The following MGST1 variants were observed in gnomAD, a reference collection of about 807,000 sequenced individuals.
The protein encoded by MGST1 is glutathione S-transferase 12.
In MGST1, 5 loss-of-function variants were observed where a neutral mutation model predicts 8.9. The observed-to-expected ratio is 0.56, with a 90% confidence interval of 0.29 to 1.19. The LOEUF is 1.19. MGST1 is among the 50% of genes most tolerant of loss of function. The probability of loss-of-function intolerance (pLI) is 0.08; values close to 1 mark genes in which losing one functional copy is unlikely to be tolerated. For missense variants in MGST1, 182 were observed against 187.4 expected (o/e 0.97, Z 0.17); for synonymous variants, 54 against 67.8 (o/e 0.80, Z 1.00).
chr12:16,456,364 GA>G (rs1228150673), intron 4 of MGST1, among the ~76,000 whole-genome samples: 1 of 151,748 alleles, frequency 6.6e-6, no homozygotes, highest in African/African-American at 2.4e-5. Context: ...TTAGTTGTCA[GA>G]AGCTGAATAA....
Position 16,375,771 on chromosome 12 carries a change from A to G in MGST1, c.222-351A>G, listed in dbSNP as rs1378206728. On this transcript the variant is annotated intron_variant, in intron 3 of 3. Transcript: ENST00000535309. Reference sequence around the variant, plus strand: ...GTTTTATCTAAAACAAAACAAAGATAATTATTTTTATCTACGTCTACTGAA... The same window carrying G: ...GTTTTATCTAAAACAAAACAAAGATGATTATTTTTATCTACGTCTACTGAA... Among the ~76,000 whole-genome samples, 3 of 151,968 alleles carry G rather than the reference A, an allele frequency of 2.0e-5. No homozygotes were observed. The East Asian group carries it at 5.9e-4, about 30-fold the overall frequency.
Position 16,401,389 on chromosome 12 carries a change from G to A in MGST1, n.778+17785G>A. 2 of 1,103,428 alleles carry A rather than the reference G, an allele frequency of 1.8e-6. No individual in the cohort carries two copies. Among genetic ancestry groups the A allele is most frequent in the Non-Finnish European group, 2.8e-6 (2 of 719,490 alleles). 68.4% of individuals were successfully genotyped at this position (1,103,428 alleles called of 1,614,324 possible). ...TCCCACCCCAAATCCTAGGTTTCTGGTAATTTTGTTCAGGAGTTCTGGCTT... is the reference window on the plus strand; with the variant it reads ...TCCCACCCCAAATCCTAGGTTTCTGATAATTTTGTTCAGGAGTTCTGGCTT... On this transcript the variant is annotated intron_variant and non_coding_transcript_variant, in intron 1 of 1. Transcript: ENST00000359720. The surrounding 1 kb of genome is among the most constrained non-coding windows in gnomAD (Gnocchi z 4.3).
At chr12:16,578,158 T>C (rs1486757381) in intron 4 of MGST1, among the ~76,000 whole-genome samples, 1 of 152,216 alleles carries the variant, frequency 6.6e-6, no homozygotes, top group East Asian at 1.9e-4. Context: ...TTTAAACTCA[T>C]AGTTTCATGA....
intron 1 of MGST1, among the ~76,000 whole-genome samples, chr12:16,394,551 T>G (rs1258424651): frequency 1.5e-5 from 1 of 65,994 alleles, no homozygotes; most frequent in African/African-American, 5.5e-5. Context: ...TCTTTCTTTC[T>G]TTCTTTCTTT....
intron 4 of MGST1, among the ~76,000 whole-genome samples, chr12:16,452,786 C>T (rs117219109): frequency 8.6e-5 from 13 of 151,952 alleles, no homozygotes; most frequent in African/African-American, 2.2e-4. Context: ...GAAGCATCCA[C>T]GACTACGTTT....
chr12:16,359,908 G>T (rs1175691967), intron 3 of MGST1, among the ~76,000 whole-genome samples: 1 of 152,140 alleles, frequency 6.6e-6, no homozygotes, highest in Non-Finnish European at 1.5e-5. Flanking sequence ...TATTCTTTCC[G>T]ACCTTCCACC....
At chr12:16,364,992 G>T (rs7135371), downstream of MGST1, among the ~76,000 whole-genome samples, 90,568 of 151,956 alleles carry the variant, frequency 0.6, 27,796 homozygotes, top group East Asian at 0.96. This position sits in a 1 kb window ranked among gnomAD's most constrained non-coding sequence, Gnocchi z 5.7. Flanking sequence ...AGATTAAACA[G>T]TTTTGGTGGT....
chr12:16,537,094 C>T lies in MGST1; in HGVS notation n.483-52434C>T, dbSNP rs1438935543. On this transcript the variant is annotated intron_variant and non_coding_transcript_variant, in intron 4 of 4. Coordinates refer to the MGST1 transcript ENST00000538857. This position sits in a 1 kb window ranked among gnomAD's most constrained non-coding sequence, Gnocchi z 4.6. ...TGTAAAGTCAAAAGCAAGTTAGTTA[C>T]TTCCTAGATACAACGGGGATACAGG... Among the ~76,000 whole-genome samples the T allele has an allele frequency of 6.6e-6, 1 of 152,208 alleles. No homozygotes were observed. Among genetic ancestry groups the T allele is most frequent in the African/African-American group, 2.4e-5 (1 of 41,450 alleles).
rs989236133 is a variant in MGST1 at position 16,363,699 on chromosome 12, A to G, written c.222-96A>G. ...ATCTTACTTTGAAATTTAAGGATCC[A>G]TTAGTGCTCAGATTTAGTTTTTAGA... On this transcript the variant is annotated intron_variant, in intron 3 of 3. Coordinates refer to ENST00000396210, the MANE Select transcript of MGST1 (RefSeq NM_020300.5). The surrounding 1 kb of genome is among the most constrained non-coding windows in gnomAD (Gnocchi z 4.6). 45 of 1,049,770 alleles carry G rather than the reference A, an allele frequency of 4.3e-5. No individual in the cohort carries two copies. The highest frequency in any genetic ancestry group is 2.2e-4 in the Middle Eastern group (1 of 4,472). The allele number at this position is 1,049,770 out of a possible 1,614,324, so 65.0% of individuals were successfully genotyped here.
Position 16,413,292 on chromosome 12 carries a change from A to G in MGST1, n.779-24096A>G, listed in dbSNP as rs1211695791. On this transcript the variant is annotated intron_variant and non_coding_transcript_variant, in intron 1 of 1. Transcript: ENST00000359720. This position sits in a 1 kb window ranked among gnomAD's most constrained non-coding sequence, Gnocchi z 4.0. Reference sequence around the variant, plus strand: ...CTTGTGTTGAGAAGCCATGCTAGCCACTGCTCAGGTAGCTGTCAAGGGAGA... The same window carrying G: ...CTTGTGTTGAGAAGCCATGCTAGCCGCTGCTCAGGTAGCTGTCAAGGGAGA... 6.6e-6 allele frequency among the ~76,000 whole-genome samples: 1 copy of G among 152,162 alleles called. No homozygotes were observed. The highest frequency in any genetic ancestry group is 1.5e-5 in the Non-Finnish European group (1 of 68,028).
intron 1 of MGST1, among the ~76,000 whole-genome samples, chr12:16,430,194 C>G (rs1940926067): frequency 6.6e-6 from 1 of 152,136 alleles, no homozygotes; most frequent in South Asian, 2.1e-4. Context: ...TCAGGTTCTA[C>G]AGCTAATTCT....
intron 4 of MGST1, among the ~76,000 whole-genome samples, chr12:16,449,051 T>A (rs1262557479): frequency 6.6e-6 from 1 of 151,996 alleles, no homozygotes; most frequent in East Asian, 1.9e-4. Flanking sequence ...CAGTCTTACG[T>A]TGAACTCTAT....
chr12:16,566,942 C>CAT lies in MGST1; in HGVS notation n.483-22575_483-22574dup, dbSNP rs753206020. On this transcript the variant is annotated intron_variant and non_coding_transcript_variant, in intron 4 of 4. Coordinates refer to the MGST1 transcript ENST00000538857. ...CTACCAAAAGCCCATGCTACATAGT[C>CAT]ATATATATATATGTTAAAAACTACA... Among the ~76,000 whole-genome samples the CAT allele has an allele frequency of 1.3e-3, 193 of 152,016 alleles. 1 individual carries two copies. Among genetic ancestry groups the CAT allele is most frequent in the Middle Eastern group, 3.4e-3 (1 of 292 alleles).
At chr12:16,527,774 T>C (rs765117192) in intron 4 of MGST1, among the ~76,000 whole-genome samples, 1 of 152,004 alleles carries the variant, frequency 6.6e-6, no homozygotes, top group Non-Finnish European at 1.5e-5. Context: ...TTCATCTTAC[T>C]TATACACCTT....
chr12:16,380,619 G>A (rs1259509925), downstream of MGST1, among the ~76,000 whole-genome samples: 6 of 152,178 alleles, frequency 3.9e-5, no homozygotes, highest in Non-Finnish European at 7.3e-5. Flanking sequence ...TGTATATTCT[G>A]TTGATTTGGG....
chr12:16,555,847 G>A lies in MGST1; in HGVS notation n.483-33681G>A, dbSNP rs1353883201. ...GCTCCCTCATCTTCCCCAACCCCGA[G>A]CAGACACACTTCCTGTAAGTCAACC... is the stretch of plus-strand genomic sequence containing the variant. On this transcript the variant is annotated intron_variant and non_coding_transcript_variant, in intron 4 of 4. Coordinates refer to the MGST1 transcript ENST00000538857. The surrounding 1 kb of genome is among the most constrained non-coding windows in gnomAD (Gnocchi z 5.5). Among the ~76,000 whole-genome samples, 1 of 152,058 alleles carries A rather than the reference G, an allele frequency of 6.6e-6. No individual in the cohort carries two copies. Among genetic ancestry groups the A allele is most frequent in the Non-Finnish European group, 1.5e-5 (1 of 68,024 alleles).
chr12:16,384,248 A>G (rs1189147321), intron 1 of MGST1, among the ~76,000 whole-genome samples: 1 of 152,166 alleles, frequency 6.6e-6, no homozygotes, highest in Non-Finnish European at 1.5e-5. Context: ...CCCAAAATGT[A>G]TCCAACTTCT....
chr12:16,364,584 A>G (rs1028792190), downstream of MGST1, among the ~76,000 whole-genome samples: 1 of 152,130 alleles, frequency 6.6e-6, no homozygotes, highest in African/African-American at 2.4e-5. The surrounding 1 kb of genome is among the most constrained non-coding windows in gnomAD (Gnocchi z 5.7). Flanking sequence ...GAAACATCTG[A>G]GAGTAAGTGG....
At chr12:16,392,417 A>T (rs1333328141) in intron 1 of MGST1, among the ~76,000 whole-genome samples, 2 of 152,212 alleles carry the variant, frequency 1.3e-5, no homozygotes, top group Non-Finnish European at 2.9e-5. Flanking sequence ...GCAAACTTTT[A>T]GGACTGTTGA....
Sources: allele counts gnomAD v4.1 joint callset (sites outside exome capture counted in the v4.1 genomes callset), GRCh38; gene constraint gnomAD v4.1.1; non-coding constraint Gnocchi (gnomAD v3.1); transcripts MANE v1.5; gene names NCBI Gene and HGNC (gene_info 2026-07-23, HGNC 2026-07-21).